Variants in TBC1D4 observed in about 807,000 individuals in gnomAD.
The protein encoded by TBC1D4 is TBC1 domain family member 4.
TBC1D4 carries 121 observed loss-of-function variants against 142.5 expected under a neutral mutation model. The observed-to-expected ratio is 0.85, with a 90% confidence interval of 0.73 to 0.99. The LOEUF (loss-of-function observed/expected upper bound fraction) is 0.99, where lower values mean the gene tolerates loss of function less well. Ranked by LOEUF, TBC1D4 falls within the 50% of genes least tolerant of loss-of-function variation. The pLI is 0.00. For missense variants in TBC1D4, 1,475 were observed against 1,606.6 expected (o/e 0.92, Z 1.40); for synonymous variants, 630 against 628.2 (o/e 1.00, Z -0.04).
At chr13:75,461,432 G>A (rs905826204) in intron 1 of TBC1D4, among the ~76,000 whole-genome samples, 5 of 152,182 alleles carry the variant, frequency 3.3e-5, no homozygotes, top group African/African-American at 1.2e-4. Context: ...ATATAATGGA[G>A]CCATAAATTT....
At chr13:75,361,667 C>T (rs1265572706) in intron 2 of TBC1D4, among the ~76,000 whole-genome samples, 4 of 152,126 alleles carry the variant, frequency 2.6e-5, no homozygotes, top group Non-Finnish European at 5.9e-5. Context: ...GGCGTGAGCC[C>T]CCGCGCCGGG....
intron 1 of TBC1D4, among the ~76,000 whole-genome samples, chr13:75,385,024 G>T (rs1343355231): frequency 6.6e-6 from 1 of 152,186 alleles, no homozygotes; most frequent in African/African-American, 2.4e-5. Flanking sequence ...ATAATAAGAT[G>T]TCCTCAGAGA....
rs146808952 is a variant in TBC1D4 at position 75,367,915 on chromosome 13, A to C, written c.499-5308T>G. On this transcript the variant is annotated intron_variant, in intron 1 of 20. Transcript: ENST00000377636. Reference sequence around the variant, plus strand: ...GGAAGATATATAGATGCCAAGTATCAGTTCATTTGTATTCAAGGAAACACT... The same window carrying C: ...GGAAGATATATAGATGCCAAGTATCCGTTCATTTGTATTCAAGGAAACACT... Among the ~76,000 whole-genome samples, 198 of 152,330 alleles carry C rather than the reference A, an allele frequency of 1.3e-3. 1 individual carries two copies. The highest frequency in any genetic ancestry group is 0.01 in the Middle Eastern group (3 of 294).
intron 1 of TBC1D4, among the ~76,000 whole-genome samples, chr13:75,418,200 C>T (rs530600008): frequency 2.0e-5 from 3 of 152,236 alleles, no homozygotes; most frequent in South Asian, 4.1e-4. Flanking sequence ...AATTTTTTAA[C>T]TCAGCCAGCA....
At chr13:75,386,492 C>A (rs1884180316) in intron 1 of TBC1D4, among the ~76,000 whole-genome samples, 1 of 151,444 alleles carries the variant, frequency 6.6e-6, no homozygotes, top group Admixed American at 6.6e-5. Context: ...GGGTCCACGC[C>A]ATTCTCCTGC....
intron 1 of TBC1D4, among the ~76,000 whole-genome samples, chr13:75,411,898 C>T (rs1885687445): frequency 6.6e-6 from 1 of 152,002 alleles, no homozygotes; most frequent in Non-Finnish European, 1.5e-5. Flanking sequence ...CTTCCATTTG[C>T]AATATTAACT....
intron 5 of TBC1D4, among the ~76,000 whole-genome samples, chr13:75,348,080 G>T (rs1881299179): frequency 1.3e-5 from 2 of 152,294 alleles, no homozygotes; most frequent in South Asian, 4.1e-4. Context: ...GGTAGAGGCT[G>T]CAGTGAGTCA....
intron 1 of TBC1D4, among the ~76,000 whole-genome samples, chr13:75,389,055 GAC>G (rs549507317): frequency 4.6e-5 from 7 of 152,336 alleles, no homozygotes; most frequent in Admixed American, 3.3e-4. Flanking sequence ...AATGAGAGCA[GAC>G]ACATGCTTGG....
At chr13:75,382,903 C>T (rs985684497) in intron 1 of TBC1D4, among the ~76,000 whole-genome samples, 5 of 152,156 alleles carry the variant, frequency 3.3e-5, no homozygotes, top group African/African-American at 1.2e-4. Flanking sequence ...CTTTTGACTT[C>T]TTTTAATCTG....
At position 75,358,203 on chromosome 13, in the gene TBC1D4, T is replaced by C. The variant is rs952225251; in HGVS notation, c.1170+1566A>G. The stretch of plus-strand genomic sequence containing the variant: ...AAGTGCTCATTCATTCAACATGTAT[T>C]GAACACCTCAGGGTTAAGCTCTGTC... On this transcript the variant is annotated intron_variant, in intron 3 of 20. Coordinates refer to ENST00000377636, the MANE Select transcript of TBC1D4 (RefSeq NM_014832.5). 3.3e-5 allele frequency among the ~76,000 whole-genome samples: 5 copies of C among 152,166 alleles called. No homozygotes were observed. In the South Asian group the frequency reaches 1.0e-3, roughly 32 times the overall value.
chr13:75,341,002 A>AG lies in TBC1D4; in HGVS notation c.1611+122dup, dbSNP rs1165636854. On this transcript the variant is annotated intron_variant, in intron 7 of 20. Transcript: ENST00000377636. ...TATTAAAATGCTGGGCGGGGGAGTGAGGGGGTAGTTCAGGAAACTCTGATA... is the reference window on the plus strand; with the variant it reads ...TATTAAAATGCTGGGCGGGGGAGTGAGGGGGGTAGTTCAGGAAACTCTGATA... 6 of 813,318 alleles carry AG rather than the reference A, an allele frequency of 7.4e-6. No homozygotes were observed. In the East Asian group the frequency reaches 1.5e-4, roughly 21 times the overall value. The allele number at this position is 813,318 out of a possible 1,614,324, so 50.4% of individuals were successfully genotyped here. A position where few individuals can be genotyped will look rare whatever the true frequency, so the allele number is the denominator to read the frequency against.
intron 1 of TBC1D4, among the ~76,000 whole-genome samples, chr13:75,410,042 C>T (rs567714759): frequency 6.6e-6 from 1 of 152,304 alleles, no homozygotes; most frequent in Non-Finnish European, 1.5e-5. Flanking sequence ...TACCTTAAAA[C>T]TCAGTTGCCT....
intron 1 of TBC1D4, among the ~76,000 whole-genome samples, chr13:75,395,549 G>A (rs572948324): frequency 4.5e-4 from 68 of 152,222 alleles, no homozygotes; most frequent in African/African-American, 1.5e-3. Context: ...TAAATGATAC[G>A]GCTAGGCACG....
At chr13:75,352,097 T>A (rs1207419254) in intron 4 of TBC1D4, among the ~76,000 whole-genome samples, 1 of 152,182 alleles carries the variant, frequency 6.6e-6, no homozygotes, top group Non-Finnish European at 1.5e-5. Flanking sequence ...TTTCACAGAG[T>A]ACTGCTCTTT....
intron 1 of TBC1D4, among the ~76,000 whole-genome samples, chr13:75,434,304 T>C (rs1886702059): frequency 6.6e-6 from 1 of 152,118 alleles, no homozygotes; most frequent in Non-Finnish European, 1.5e-5. Flanking sequence ...GCGGAACATA[T>C]ATACCATAGA....
chr13:75,456,875 C>T (rs1311052679), intron 1 of TBC1D4, among the ~76,000 whole-genome samples: 2 of 151,638 alleles, frequency 1.3e-5, no homozygotes, highest in Non-Finnish European at 2.9e-5. Flanking sequence ...ATATTAATCA[C>T]AAGTTTGTAA....
chr13:75,339,185 A>C (rs1880471580), intron 7 of TBC1D4, among the ~76,000 whole-genome samples: 1 of 152,226 alleles, frequency 6.6e-6, no homozygotes, highest in Non-Finnish European at 1.5e-5. Context: ...GCCATTATTC[A>C]TCACTGTTTC....
At chr13:75,425,886 C>G (rs899570800) in intron 1 of TBC1D4, among the ~76,000 whole-genome samples, 8 of 152,118 alleles carry the variant, frequency 5.3e-5, no homozygotes, top group African/African-American at 1.9e-4. Context: ...AAGACACCTA[C>G]TGTACATCAT....
At chr13:75,426,501 T>C (rs1193880075) in intron 1 of TBC1D4, among the ~76,000 whole-genome samples, 3 of 152,158 alleles carry the variant, frequency 2.0e-5, no homozygotes, top group African/African-American at 7.2e-5. Flanking sequence ...TAAACACATA[T>C]AAATCAAATA....
Sources: gnomAD v4.1 joint callset for allele counts (sites outside exome capture counted in the v4.1 genomes callset) on GRCh38, gnomAD v4.1.1 for gene constraint, MANE v1.5 for transcripts, NCBI Gene and HGNC (gene_info 2026-07-23, HGNC 2026-07-21) for gene names.